Variants in CREB5 observed in about 807,000 individuals in gnomAD.
CREB5 encodes the protein cAMP responsive element binding protein 5.
In CREB5, 19 loss-of-function variants were observed where a neutral mutation model predicts 57.1. The ratio of observed to expected loss-of-function variants is 0.33; its 90% CI spans 0.23 to 0.49. The LOEUF (loss-of-function observed/expected upper bound fraction) is 0.49. Among genes scored for constraint, CREB5 ranks in the 20% least tolerant of loss-of-function variants. The pLI is 0.99. For synonymous variants in CREB5, 238 were observed against 238.3 expected, an observed-to-expected ratio of 1.00 and a Z score of 0.01; for missense variants, 579 against 671.6, an observed-to-expected ratio of 0.86 and a Z score of 1.52.
chr7:28,371,491 CAAAAAAAA>C (rs5883125), intron 1 of CREB5, among the ~76,000 whole-genome samples: 1 of 77,178 alleles, frequency 1.3e-5, no homozygotes. Context: ...TACTCCATCT[CAAAAAAAA>C]AAAAAAAAAA....
At chr7:28,572,999 TG>T (rs1450639993) in intron 5 of CREB5, among the ~76,000 whole-genome samples, 1 of 152,210 alleles carries the variant, frequency 6.6e-6, no homozygotes, top group African/African-American at 2.4e-5. Context: ...CTGGTGTGTT[TG>T]CCATGTTGAT....
chr7:28,509,463 C>T (rs1035177715), intron 4 of CREB5, among the ~76,000 whole-genome samples: 14 of 152,128 alleles, frequency 9.2e-5, no homozygotes, highest in Non-Finnish European at 5.9e-5. Context: ...TTTCTCTTTT[C>T]GCTTTGACTG....
intron 5 of CREB5, among the ~76,000 whole-genome samples, chr7:28,643,771 A>G (rs1295184045): frequency 7.9e-5 from 12 of 151,634 alleles, no homozygotes. Context: ...CGGAAGAAAA[A>G]AAAAAAACAC....
chr7:28,742,976 G>T (rs537204946), intron 7 of CREB5, among the ~76,000 whole-genome samples: 90 of 152,144 alleles, frequency 5.9e-4, no homozygotes, highest in African/African-American at 2.1e-3. Flanking sequence ...TAGAAATAGG[G>T]TTTCACCATG....
At chr7:28,467,935 T>C (rs1268377100) in intron 1 of CREB5, among the ~76,000 whole-genome samples, 1 of 152,206 alleles carries the variant, frequency 6.6e-6, no homozygotes, top group Non-Finnish European at 1.5e-5. Context: ...AAAATGACGA[T>C]AGTCAAATGG....
intron 1 of CREB5, among the ~76,000 whole-genome samples, chr7:28,432,944 TTGAA>T (rs1434602837): frequency 6.6e-6 from 1 of 152,228 alleles, no homozygotes; most frequent in Non-Finnish European, 1.5e-5. Context: ...AGTTTTGTGT[TTGAA>T]TTTTTTCTAC....
At chr7:28,392,108 G>A (rs42696) in intron 1 of CREB5, among the ~76,000 whole-genome samples, 139,120 of 152,144 alleles carry the variant, frequency 0.91, 64,941 homozygotes, top group East Asian at 1. Flanking sequence ...AACAACACAC[G>A]CTGGGGCCTA....
intron 5 of CREB5, among the ~76,000 whole-genome samples, chr7:28,639,256 C>G (rs1798551257): frequency 6.6e-6 from 1 of 152,154 alleles, no homozygotes; most frequent in African/African-American, 2.4e-5. Context: ...TATTCTGATG[C>G]AAACGTGGGT....
intron 1 of CREB5, among the ~76,000 whole-genome samples, chr7:28,431,825 G>T (rs1241395145): frequency 6.6e-6 from 1 of 152,054 alleles, no homozygotes; most frequent in Non-Finnish European, 1.5e-5. Context: ...GTCCAGTGTG[G>T]GCAGAATGTG....
intron 5 of CREB5, among the ~76,000 whole-genome samples, chr7:28,670,226 A>G (rs1298055453): frequency 6.6e-6 from 1 of 152,236 alleles, no homozygotes; most frequent in Non-Finnish European, 1.5e-5. Flanking sequence ...GAGACTAACA[A>G]CAATACCTAA....
chr7:28,724,284 C>A lies in CREB5; in HGVS notation c.654C>A (p.Asn218Lys). Residue 218 changes from asparagine to lysine, a missense_variant, in exon 7 of 11, where the codon AAC (asparagine) becomes AAA (lysine). Coordinates refer to ENST00000357727, the MANE Select transcript of CREB5 (RefSeq NM_182898.4). ...GGATGCAAGGTCCAAATCTCAGCAA[C>A]CCCTGTGCTTCTCCCCAGGTCCAGC... ...IMGMQGPNLS[N>K]PCASPQVQPM... The A allele has an allele frequency of 6.2e-7, 1 of 1,613,836 alleles. No homozygotes were observed. Among genetic ancestry groups the A allele is most frequent in the Non-Finnish European group, 8.5e-7 (1 of 1,179,868 alleles).
At chr7:28,779,401 C>G (rs1359873629) in intron 7 of CREB5, among the ~76,000 whole-genome samples, 1 of 152,148 alleles carries the variant, frequency 6.6e-6, no homozygotes, top group Non-Finnish European at 1.5e-5. Flanking sequence ...TTCTGCACAG[C>G]CCTTCTTAGA....
chr7:28,401,684 T>G (rs552581315), intron 1 of CREB5, among the ~76,000 whole-genome samples: 2 of 152,348 alleles, frequency 1.3e-5, no homozygotes, highest in Admixed American at 6.5e-5. Flanking sequence ...GTCCTTGCGA[T>G]AGTTTGCTGA....
At chr7:28,762,072 T>C (rs973646277) in intron 7 of CREB5, among the ~76,000 whole-genome samples, 3 of 152,108 alleles carry the variant, frequency 2.0e-5, no homozygotes, top group African/African-American at 7.2e-5. Flanking sequence ...ACCAGCTAAG[T>C]CATTTAAATG....
At chr7:28,425,249 A>G (rs866389345) in intron 1 of CREB5, among the ~76,000 whole-genome samples, 2 of 152,202 alleles carry the variant, frequency 1.3e-5, no homozygotes, top group African/African-American at 4.8e-5. Flanking sequence ...CCATATATTG[A>G]AAAATTACTT....
chr7:28,713,355 T>C (rs945826720), intron 5 of CREB5, among the ~76,000 whole-genome samples: 2 of 152,222 alleles, frequency 1.3e-5, no homozygotes, highest in African/African-American at 4.8e-5. Flanking sequence ...CAAATACAAG[T>C]GCAATGAGCA....
intron 1 of CREB5, among the ~76,000 whole-genome samples, chr7:28,436,655 A>G (rs1239040101): frequency 6.6e-6 from 1 of 152,144 alleles, no homozygotes; most frequent in Non-Finnish European, 1.5e-5. Flanking sequence ...TTTTTCCTAA[A>G]CAAGTACAAT....
Position 28,793,708 on chromosome 7 carries a change from G to A in CREB5, c.703-10491G>A, listed in dbSNP as rs147737703. On this transcript the variant is annotated intron_variant, in intron 7 of 10. Coordinates refer to ENST00000357727, the MANE Select transcript of CREB5 (RefSeq NM_182898.4). Reference sequence around the variant, plus strand: ...CTAGAGAGCTGGGTGATGTGGCAGCGACTGGCTGTCCCGCCCAAGCAGCAC... The same window carrying A: ...CTAGAGAGCTGGGTGATGTGGCAGCAACTGGCTGTCCCGCCCAAGCAGCAC... 1.2e-4 allele frequency among the ~76,000 whole-genome samples: 18 copies of A among 152,312 alleles called. No homozygotes were observed. The East Asian group carries it at 1.9e-3, about 16-fold the overall frequency.
At chr7:28,628,734 T>C (rs556414071) in intron 5 of CREB5, among the ~76,000 whole-genome samples, 2 of 152,338 alleles carry the variant, frequency 1.3e-5, no homozygotes, top group African/African-American at 4.8e-5. Context: ...GTAACATTTA[T>C]CTGGCTTTTC....
Sources: allele counts gnomAD v4.1 joint callset (sites outside exome capture counted in the v4.1 genomes callset), GRCh38; gene constraint gnomAD v4.1.1; transcripts MANE v1.5; gene names NCBI Gene and HGNC (gene_info 2026-07-23, HGNC 2026-07-21).